Variants in CIMIP1 observed in about 807,000 individuals in gnomAD.
CIMIP1 encodes the protein low in lung cancer 1.
At chr20:58,151,274 C>T in the CIMIP1 span, among the ~76,000 whole-genome samples, 5 of 152,052 alleles carry the variant, frequency 3.3e-5, no homozygotes, top group Admixed American at 1.3e-4. Flanking sequence ...ACCACGAAGA[C>T]GTGGGAGATT....
chr20:58,160,855 T>C, the CIMIP1 span: 2 of 1,590,448 alleles, frequency 1.3e-6, no homozygotes, highest in Non-Finnish European at 8.6e-7. Context: ...GGGTGCTGCA[T>C]ATCGGTCACC....
At chr20:58,160,614 T>A in the CIMIP1 span, 2 of 1,583,452 alleles carry the variant, frequency 1.3e-6, no homozygotes, top group Non-Finnish European at 1.7e-6. Flanking sequence ...GGGTGCCTCG[T>A]GTCTCTGTGG....
chr20:58,160,598 G>A, the CIMIP1 span: 30 of 1,539,402 alleles, frequency 1.9e-5, 1 homozygote, highest in African/African-American at 1.9e-4. Context: ...CTCACATGCC[G>A]ATGCTGGGTG....
chr20:58,160,280 G>A, the CIMIP1 span, among the ~76,000 whole-genome samples: 4 of 152,122 alleles, frequency 2.6e-5, no homozygotes, highest in African/African-American at 9.7e-5. Flanking sequence ...GCTTCTCATC[G>A]AAACAGGGTG....
the CIMIP1 span, among the ~76,000 whole-genome samples, chr20:58,156,103 G>A: frequency 3.3e-5 from 5 of 152,198 alleles, no homozygotes; most frequent in Non-Finnish European, 4.4e-5. Context: ...TTACTAAGGT[G>A]CAACAGCTTG....
the CIMIP1 span, chr20:58,161,017 G>A: frequency 3.3e-5 from 16 of 484,180 alleles, no homozygotes; most frequent in African/African-American, 7.8e-5. Context: ...GAATGTTCAC[G>A]TCCACACCCA....
chr20:58,152,348 C>T, the CIMIP1 span, among the ~76,000 whole-genome samples: 1 of 151,856 alleles, frequency 6.6e-6, no homozygotes, highest in Non-Finnish European at 1.5e-5. Context: ...CCTTGGCTAC[C>T]TAACACTTAA....
the CIMIP1 span, chr20:58,153,500 AC>A: frequency 6.7e-7 from 1 of 1,482,482 alleles, no homozygotes; most frequent in South Asian, 1.1e-5. Context: ...GACCCCTTGA[AC>A]CTTTTTCCGT....
the CIMIP1 span, chr20:58,160,858 C>T: frequency 8.2e-6 from 13 of 1,587,050 alleles, no homozygotes; most frequent in African/African-American, 2.7e-5. Flanking sequence ...TGCTGCATAT[C>T]GGTCACCAGG....
At chr20:58,158,654 A>C in the CIMIP1 span, among the ~76,000 whole-genome samples, 1 of 152,130 alleles carries the variant, frequency 6.6e-6, no homozygotes, top group East Asian at 1.9e-4. Context: ...CGTCTCAAAA[A>C]AAAAAAAATG....
chr20:58,152,880 G>T, the CIMIP1 span, among the ~76,000 whole-genome samples: 1 of 152,266 alleles, frequency 6.6e-6, no homozygotes, highest in East Asian at 1.9e-4. Context: ...TCACTGCCCA[G>T]GGCAAAGAGT....
chr20:58,151,054 C>A, the CIMIP1 span: 1 of 1,483,028 alleles, frequency 6.7e-7, no homozygotes, highest in South Asian at 1.2e-5. Context: ...GATCGGGCAA[C>A]GCGGTGGGCT....
the CIMIP1 span, among the ~76,000 whole-genome samples, chr20:58,151,651 G>A: frequency 6.6e-6 from 1 of 152,032 alleles, no homozygotes; most frequent in South Asian, 2.1e-4. Flanking sequence ...CTGACGTCGT[G>A]ATCCACCCGC....
chr20:58,153,293 C>T, the CIMIP1 span, among the ~76,000 whole-genome samples: 15 of 152,188 alleles, frequency 9.9e-5, no homozygotes, highest in Non-Finnish European at 2.1e-4. Flanking sequence ...GAATCGGCCC[C>T]CAGACTGGCC....
At chr20:58,159,314 G>A in the CIMIP1 span, among the ~76,000 whole-genome samples, 4 of 149,944 alleles carry the variant, frequency 2.7e-5, no homozygotes, top group Non-Finnish European at 5.9e-5. Flanking sequence ...TCAGGAGTTC[G>A]AGACCAGCCT....
the CIMIP1 span, among the ~76,000 whole-genome samples, chr20:58,151,405 TTTTGTTTG>T: frequency 2.0e-5 from 3 of 151,970 alleles, no homozygotes; most frequent in East Asian, 3.9e-4. Flanking sequence ...GACTGATGAT[TTTTGTTTG>T]TTTGTTTGTT....
chr20:58,156,874 CAGG>C, the CIMIP1 span, among the ~76,000 whole-genome samples: 16 of 152,176 alleles, frequency 1.1e-4, 1 homozygote, highest in African/African-American at 3.4e-4. Flanking sequence ...GGCCGCAGGG[CAGG>C]AGGAGTTCAG....
chr20:58,150,911 G>T, the CIMIP1 span: 2 of 1,546,850 alleles, frequency 1.3e-6, no homozygotes, highest in Non-Finnish European at 1.8e-6. Context: ...CAGGAGACGC[G>T]AGACGCTGAG....
chr20:58,155,537 C>T, the CIMIP1 span: 7 of 1,614,170 alleles, frequency 4.3e-6, no homozygotes, highest in East Asian at 2.2e-5. Context: ...TTTCCGCATC[C>T]GGCCGGTGAC....
Sources: gnomAD v4.1 joint callset for allele counts (sites outside exome capture counted in the v4.1 genomes callset) on GRCh38, gnomAD v4.1.1 for gene constraint, MANE v1.5 for transcripts, NCBI Gene and HGNC (gene_info 2026-07-23, HGNC 2026-07-21) for gene names.